SYTL1: variants seen among roughly 807,000 people sequenced by gnomAD.
The protein encoded by SYTL1 is synaptotagmin-like protein 1.
In SYTL1, 53 loss-of-function variants were observed where a neutral mutation model predicts 74.6. The ratio of observed to expected loss-of-function variants is 0.71; its 90% CI spans 0.57 to 0.89. SYTL1 has a LOEUF of 0.89. SYTL1 is among the 40% of genes least tolerant of loss of function. The pLI, the probability that SYTL1 is intolerant of heterozygous loss-of-function variation, is 0.00. For synonymous variants in SYTL1, 329 were observed against 324.9 expected (o/e 1.01, Z -0.14); for missense variants, 728 against 768.7 (o/e 0.95, Z 0.63).
In SYTL1 at chr1:27,350,169, ACAGCCC is replaced by A. The variant is rs2015198923; in HGVS notation, c.908+38_908+43del. 1 of 1,428,486 alleles carries A rather than the reference ACAGCCC, an allele frequency of 7.0e-7. No homozygotes were observed. The highest frequency in any genetic ancestry group is 2.7e-5 in the East Asian group (1 of 36,498). 88.5% of individuals were successfully genotyped at this position (1,428,486 alleles called of 1,614,324 possible). ...GCCGGCCAAGCGGGGCGCGGCTGTCACAGCCCAGCCCACCATTCACAGGGTCTCGGC... is the reference window on the plus strand; with the variant it reads ...GCCGGCCAAGCGGGGCGCGGCTGTCAAGCCCACCATTCACAGGGTCTCGGC... On this transcript the variant is annotated intron_variant, in intron 9 of 14. Coordinates refer to ENST00000616558, the MANE Select transcript of SYTL1 (RefSeq NM_001193308.2). The surrounding 1 kb of genome is among the most constrained non-coding windows in gnomAD (Gnocchi z 6.3).
chr1:27,349,031 C>A, intron 5 of SYTL1, 49 bp from the exon 6 acceptor site: 1 of 1,461,312 alleles, frequency 6.8e-7, no homozygotes, highest in Non-Finnish European at 9.5e-7. Context: ...CCTTTGACCT[C>A]TTCCTCACCA....
intron 2 of SYTL1, among the ~76,000 whole-genome samples, chr1:27,346,980 G>T (rs1411173052): frequency 6.6e-6 from 1 of 151,798 alleles, no homozygotes. Context: ...AAATTAGCTG[G>T]GCATGGTGGC....
At chr1:27,346,436 G>A (rs1313814634) in intron 2 of SYTL1, among the ~76,000 whole-genome samples, 1 of 152,214 alleles carries the variant, frequency 6.6e-6, no homozygotes, top group Non-Finnish European at 1.5e-5. Context: ...CTCGTCGTCT[G>A]TAAAATGGGG....
Position 27,348,979 on chromosome 1 carries a change from G to A in SYTL1, c.460-101G>A, listed in dbSNP as rs369321887. On this transcript the variant is annotated intron_variant, in intron 5 of 14. Coordinates refer to ENST00000616558, the MANE Select transcript of SYTL1 (RefSeq NM_001193308.2). The surrounding 1 kb of genome is among the most constrained non-coding windows in gnomAD (Gnocchi z 4.1). ...GAGGGCTGCCCTAAACCTGAAACTGGGGTAGCTGGCTGGAGCCCTATGACC... is the reference window on the plus strand; with the variant it reads ...GAGGGCTGCCCTAAACCTGAAACTGAGGTAGCTGGCTGGAGCCCTATGACC... 2.4e-5 allele frequency: 22 copies of A among 924,498 alleles called. No homozygotes were observed. The highest frequency in any genetic ancestry group is 3.7e-5 in the Non-Finnish European group (22 of 600,698). 57.3% of individuals were successfully genotyped at this position (924,498 alleles called of 1,614,324 possible).
Position 27,351,476 on chromosome 1 carries a change from G to A in SYTL1, c.1264G>A (p.Gly422Arg), listed in dbSNP as rs1425868024. 2.6e-6 allele frequency: 4 copies of A among 1,546,256 alleles called. No homozygotes were observed. The highest frequency in any genetic ancestry group is 1.7e-4 in the Middle Eastern group (1 of 5,946). ...GSEGAGLPPS[G>R]ELHFWVKEAR... is the part of the protein sequence containing the mutation. ...CGCAGGCGCAGGACTGCCCCCGAGCGGGGAGCTGCACTTCTGGGTGAAGGA... is the reference window on the plus strand; with the variant it reads ...CGCAGGCGCAGGACTGCCCCCGAGCAGGGAGCTGCACTTCTGGGTGAAGGA... The change falls in exon 13 of 15, where the codon GGG becomes AGG. Residue 422 changes from glycine (G) to arginine (R), a missense_variant. Transcript: ENST00000616558. This position sits in a 1 kb window ranked among gnomAD's most constrained non-coding sequence, Gnocchi z 5.0.
Position 27,350,789 on chromosome 1 carries a change from C to T in SYTL1, c.1006-5C>T. The T allele has an allele frequency of 6.2e-7, 1 of 1,613,750 alleles. No homozygotes were observed. The highest frequency in any genetic ancestry group is 1.6e-4 in the Middle Eastern group (1 of 6,062). ...GCTCCACTAAAGCTCACCTCCTGTC[C>T]TCAGTACTCCGTCCCGCAGGCCGAG... On this transcript the variant is annotated splice_polypyrimidine_tract_variant and splice_region_variant and intron_variant, in intron 10 of 14. Transcript: ENST00000616558. This position sits in a 1 kb window ranked among gnomAD's most constrained non-coding sequence, Gnocchi z 6.3.
At position 27,351,524 on chromosome 1, in the gene SYTL1, C is replaced by T. The variant is rs1287007666; in HGVS notation, c.1312C>T (p.Arg438Trp). The T allele has an allele frequency of 6.5e-7, 1 of 1,547,852 alleles. No homozygotes were observed. Among genetic ancestry groups the T allele is most frequent in the East Asian group, 2.4e-5 (1 of 40,892 alleles). Reference protein sequence around the residue: ...VKEARDLLPLRAGSLDTYVQC... With the variant: ...VKEARDLLPLWAGSLDTYVQC... The stretch of plus-strand genomic sequence containing the variant: ...GGAGGCTCGGGACCTCCTGCCGCTG[C>T]GGGCAGGATCCCTGGACACTTACGT... The change falls in exon 13 of 15, where the codon CGG becomes TGG. Residue 438 changes from arginine (R) to tryptophan (W), a missense_variant. Arg to Trp is a moderately radical substitution (Grantham distance 101, BLOSUM62 -3). Coordinates refer to ENST00000616558, the MANE Select transcript of SYTL1 (RefSeq NM_001193308.2). This position sits in a 1 kb window ranked among gnomAD's most constrained non-coding sequence, Gnocchi z 5.0.
Position 27,347,681 on chromosome 1 carries a change from G to A in SYTL1, c.340+112G>A, listed in dbSNP as rs1317594509. The A allele has an allele frequency of 1.4e-5, 21 of 1,500,904 alleles. No individual in the cohort carries two copies. The highest frequency in any genetic ancestry group is 1.9e-5 in the Non-Finnish European group (21 of 1,104,394). The allele number at this position is 1,500,904 out of a possible 1,614,324, so 93.0% of individuals were successfully genotyped here. ...TCCAGTCCTGGCTGCCCCCAGTACT[G>A]TGTGTCTTTCAGTGGGCAATGCCCC... On this transcript the variant is annotated intron_variant, in intron 3 of 14. Coordinates refer to ENST00000616558, the MANE Select transcript of SYTL1 (RefSeq NM_001193308.2). This position sits in a 1 kb window ranked among gnomAD's most constrained non-coding sequence, Gnocchi z 4.9.
At chr1:27,352,722 C>T (rs1557547728) in intron 13 of SYTL1, 1 of 154,562 alleles carries the variant, frequency 6.5e-6, no homozygotes, top group Non-Finnish European at 1.4e-5. Flanking sequence ...ATCTCCTGAC[C>T]TCGTGATCCG....
rs1441154654 is a variant in SYTL1 at position 27,349,479 on chromosome 1, C to T, written c.614C>T (p.Pro205Leu). 1.4e-6 allele frequency: 2 copies of T among 1,454,560 alleles called. No homozygotes were observed. The highest frequency in any genetic ancestry group is 5.0e-5 in the East Asian group (2 of 39,668). The allele number at this position is 1,454,560 out of a possible 1,614,324, so 90.1% of individuals were successfully genotyped here. A position where few individuals can be genotyped will look rare whatever the true frequency, so the allele number is the denominator to read the frequency against. The change falls in exon 7 of 15, where the codon CCG becomes CTG. Residue 205 changes from proline (P) to leucine (L), a missense_variant. Transcript: ENST00000616558. Reference protein sequence around the residue: ...LEPASGGEQEPRPQQAQTKAA... With the variant: ...LEPASGGEQELRPQQAQTKAA... ...CCCGCGTCGGGGGGAGAGCAGGAGC[C>T]GCGGCCCCAGCAAGCCCAGGTAGGC... is the stretch of plus-strand genomic sequence containing the variant.
chr1:27,344,261 G>T (rs1456818189), intron 1 of SYTL1, among the ~76,000 whole-genome samples: 3 of 152,050 alleles, frequency 2.0e-5, no homozygotes, highest in South Asian at 2.1e-4. Flanking sequence ...GCACCACCAT[G>T]CCCGGCTAAT....
At position 27,347,100 on chromosome 1, in the gene SYTL1, C is replaced by A. The variant is rs1239829792; in HGVS notation, c.192-321C>A. 6.6e-6 allele frequency among the ~76,000 whole-genome samples: 1 copy of A among 152,194 alleles called. No homozygotes were observed. The highest frequency in any genetic ancestry group is 1.5e-5 in the Non-Finnish European group (1 of 68,036). On this transcript the variant is annotated intron_variant, in intron 2 of 14. Transcript: ENST00000616558. The surrounding 1 kb of genome is among the most constrained non-coding windows in gnomAD (Gnocchi z 4.9). ...TTGCGCCACAGCACTCCAGCCTGGG[C>A]ATAGAGGGAGACTCCATCTCAAAAT...
Position 27,343,966 on chromosome 1 carries a change from CT to C in SYTL1, c.-38-1330del. Among the ~76,000 whole-genome samples the C allele has an allele frequency of 6.6e-6, 1 of 152,310 alleles. No homozygotes were observed. The highest frequency in any genetic ancestry group is 2.1e-4 in the South Asian group (1 of 4,826). On this transcript the variant is annotated intron_variant, in intron 1 of 14. Coordinates refer to ENST00000616558, the MANE Select transcript of SYTL1 (RefSeq NM_001193308.2). The surrounding 1 kb of genome is among the most constrained non-coding windows in gnomAD (Gnocchi z 5.2). ...GTTTTTGTTTTGAGACGGAGTCTCA[CT>C]CTTGCCCAGGCTGGAGTGCAGTGGC...
chr1:27,353,196 G>A (rs1557548157), intron 13 of SYTL1, 87 bp from the exon 14 acceptor site: 1 of 1,350,242 alleles, frequency 7.4e-7, no homozygotes, highest in Non-Finnish European at 1.0e-6. Context: ...ATGGACATAT[G>A]TGAGAGAGAA....
chr1:27,345,578 C>A lies in SYTL1; in HGVS notation c.191+53C>A. 1 of 1,267,392 alleles carries A rather than the reference C, an allele frequency of 7.9e-7. No homozygotes were observed. 78.5% of individuals were successfully genotyped at this position (1,267,392 alleles called of 1,614,324 possible). Reference sequence around the variant, plus strand: ...AGCACCAAGAGGCTTGAGTGGCCCCCATCCTGCTCCCTACCGACACCACTG... The same window carrying A: ...AGCACCAAGAGGCTTGAGTGGCCCCAATCCTGCTCCCTACCGACACCACTG... On this transcript the variant is annotated intron_variant, in intron 2 of 14. Transcript: ENST00000616558. The surrounding 1 kb of genome is among the most constrained non-coding windows in gnomAD (Gnocchi z 6.0).
Position 27,349,115 on chromosome 1 carries a change from G to A in SYTL1, c.495G>A (p.Lys165=), listed in dbSNP as rs529066771. 6 of 1,614,086 alleles carry A rather than the reference G, an allele frequency of 3.7e-6. No homozygotes were observed. In the South Asian group the frequency reaches 4.4e-5, roughly 12 times the overall value. The change falls in exon 6 of 15, where the codon AAG becomes AAA. Residue 165 remains lysine, a synonymous_variant. Coordinates refer to ENST00000616558, the MANE Select transcript of SYTL1 (RefSeq NM_001193308.2). ...PDFPSPSVPL[K]ASDPEEASQA... The stretch of plus-strand genomic sequence containing the variant: ...TCCCATCGCCTTCTGTCCCCCTAAA[G>A]GCTTCAGATCCTGAGGAGGCGTCCC...
rs568222963 is a variant in SYTL1 at position 27,353,182 on chromosome 1, G to A, written c.1344-101G>A. The A allele has an allele frequency of 3.3e-6, 4 of 1,224,740 alleles. No individual in the cohort carries two copies. In the East Asian group the frequency reaches 7.7e-5, roughly 23 times the overall value. 75.9% of individuals were successfully genotyped at this position (1,224,740 alleles called of 1,614,324 possible). A position where few individuals can be genotyped will look rare whatever the true frequency, so the allele number is the denominator to read the frequency against. ...TAAGGCCAGGCAGGCAGGAGCCAGGGGACATGGACATATGTGAGAGAGAAT... is the reference window on the plus strand; with the variant it reads ...TAAGGCCAGGCAGGCAGGAGCCAGGAGACATGGACATATGTGAGAGAGAAT... On this transcript the variant is annotated intron_variant, in intron 13 of 14. Coordinates refer to ENST00000616558, the MANE Select transcript of SYTL1 (RefSeq NM_001193308.2).
At position 27,351,451 on chromosome 1, in the gene SYTL1, C is replaced by G. The variant is rs1482787849; in HGVS notation, c.1244-5C>G. 1 of 1,523,100 alleles carries G rather than the reference C, an allele frequency of 6.6e-7. No homozygotes were observed. The highest frequency in any genetic ancestry group is 1.2e-5 in the South Asian group (1 of 80,532). The allele number at this position is 1,523,100 out of a possible 1,614,324, so 94.3% of individuals were successfully genotyped here. Reference sequence around the variant, plus strand: ...TGTGCGGGCCTGAGCCGAGCCTCTCCGCAGGCGCAGGACTGCCCCCGAGCG... The same window carrying G: ...TGTGCGGGCCTGAGCCGAGCCTCTCGGCAGGCGCAGGACTGCCCCCGAGCG... On this transcript the variant is annotated splice_region_variant and splice_polypyrimidine_tract_variant and intron_variant, in intron 12 of 14. Transcript: ENST00000616558. This position sits in a 1 kb window ranked among gnomAD's most constrained non-coding sequence, Gnocchi z 5.0.
rs1166119969 is a variant in SYTL1 at position 27,353,778 on chromosome 1, G to T, written c.1615G>T (p.Ala539Ser). The change falls in exon 15 of 15, where the codon GCC becomes TCC. Residue 539 changes from alanine (A) to serine (S), a missense_variant. Physicochemically the swap from Ala to Ser is moderately conservative, Grantham distance 99. Transcript: ENST00000616558. ...ACCTGAGGAGAAGCAGCTGTGGCAA[G>T]CCCTCCTGGAGCAGCCGTGCGAATG... ...STPEEKQLWQ[A>S]LLEQPCEWVD... 4 of 1,614,076 alleles carry T rather than the reference G, an allele frequency of 2.5e-6. No individual in the cohort carries two copies. The highest frequency in any genetic ancestry group is 3.4e-6 in the Non-Finnish European group (4 of 1,179,984).
Sources: allele counts gnomAD v4.1 joint callset (sites outside exome capture counted in the v4.1 genomes callset), GRCh38; gene constraint gnomAD v4.1.1; non-coding constraint Gnocchi (gnomAD v3.1); transcripts MANE v1.5; gene names NCBI Gene and HGNC (gene_info 2026-07-23, HGNC 2026-07-21).